The following ZNF385D variants were observed in gnomAD, a reference collection of about 807,000 sequenced individuals.
ZNF385D encodes the protein zinc finger protein 385D.
Under a neutral mutation model 35.8 loss-of-function variants are expected in ZNF385D, and 15 were observed. The observed-to-expected ratio is 0.42, with a 90% CI of 0.28 to 0.64. The LOEUF is 0.64. ZNF385D is among the 30% of genes least tolerant of loss of function. The pLI is 0.23. For synonymous variants in ZNF385D, 212 were observed against 186.8 expected, an observed-to-expected ratio of 1.13 and a Z score of -1.10; for missense variants, 474 against 494.6, an observed-to-expected ratio of 0.96 and a Z score of 0.39.
chr3:21,750,744 T>C, intron 1 of ZNF385D, 151 bp downstream of exon 1: 2 of 879,836 alleles, frequency 2.3e-6, no homozygotes, highest in South Asian at 3.3e-5. Context: ...AAGGAAGCTT[T>C]GAAGGCTGCA....
intron 3 of ZNF385D, among the ~76,000 whole-genome samples, chr3:22,006,111 T>A (rs1438133531): frequency 6.6e-6 from 1 of 152,112 alleles, no homozygotes; most frequent in African/African-American, 2.4e-5. Flanking sequence ...CATATGATGA[T>A]CTGGGCTTAG....
intron 3 of ZNF385D, among the ~76,000 whole-genome samples, chr3:21,884,408 T>C (rs1322138130): frequency 6.6e-6 from 1 of 151,974 alleles, no homozygotes; most frequent in Non-Finnish European, 1.5e-5. Flanking sequence ...CTATCCAATA[T>C]TTATCCCCTA....
chr3:21,749,217 G>T (rs575684152), intron 1 of ZNF385D, among the ~76,000 whole-genome samples: 1 of 152,214 alleles, frequency 6.6e-6, no homozygotes. Context: ...ATTACCCTAT[G>T]AATCACTCTG....
chr3:21,814,155 A>AT (rs1207041559), intron 3 of ZNF385D, among the ~76,000 whole-genome samples: 2 of 152,206 alleles, frequency 1.3e-5, no homozygotes, highest in Non-Finnish European at 2.9e-5. Context: ...ATGCTGAGAG[A>AT]TTTTGTCACC....
chr3:22,058,085 A>C (rs1381753975), intron 3 of ZNF385D, among the ~76,000 whole-genome samples: 15 of 152,230 alleles, frequency 9.9e-5, no homozygotes, highest in Admixed American at 9.8e-4. Context: ...AGGCTGTGCT[A>C]CACAAGCTGA....
intron 3 of ZNF385D, among the ~76,000 whole-genome samples, chr3:21,890,110 CAT>C (rs1425194775): frequency 6.6e-6 from 1 of 152,098 alleles, no homozygotes; most frequent in Non-Finnish European, 1.5e-5. Flanking sequence ...TGGCTTCAAA[CAT>C]ATATATATCT....
intron 3 of ZNF385D, among the ~76,000 whole-genome samples, chr3:21,795,924 T>C (rs999545769): frequency 6.6e-6 from 1 of 152,176 alleles, no homozygotes; most frequent in African/African-American, 2.4e-5. Context: ...AGCTAATAAT[T>C]TGCTACAAAG....
chr3:22,113,970 C>T (rs1351482722), intron 3 of ZNF385D, among the ~76,000 whole-genome samples: 1 of 151,992 alleles, frequency 6.6e-6, no homozygotes, highest in Non-Finnish European at 1.5e-5. Flanking sequence ...CATCAGTTTA[C>T]CTTTAACATA....
chr3:21,885,875 A>C (rs1046310066), intron 3 of ZNF385D, among the ~76,000 whole-genome samples: 6 of 151,854 alleles, frequency 4.0e-5, no homozygotes, highest in African/African-American at 1.5e-4. Flanking sequence ...TTATAGTCCA[A>C]AATAATTCCT....
intron 3 of ZNF385D, among the ~76,000 whole-genome samples, chr3:22,119,006 GT>G (rs1702948716): frequency 6.6e-6 from 1 of 151,994 alleles, no homozygotes; most frequent in Admixed American, 6.6e-5. Context: ...CTATTGTACT[GT>G]TTTTTCAGGG....
chr3:21,621,641 C>G (rs527615585), intron 2 of ZNF385D, among the ~76,000 whole-genome samples: 1 of 144,128 alleles, frequency 6.9e-6, no homozygotes, highest in East Asian at 2.3e-4. Flanking sequence ...GACGACCTTT[C>G]CATGAGAAAT....
chr3:21,905,183 G>T (rs541846009), intron 3 of ZNF385D, among the ~76,000 whole-genome samples: 1 of 134,464 alleles, frequency 7.4e-6, no homozygotes, highest in East Asian at 2.1e-4. Flanking sequence ...AGAGTATCAT[G>T]GTGGTCCAGT....
chr3:21,792,529 T>C (rs2071972380), intron 3 of ZNF385D, among the ~76,000 whole-genome samples: 1 of 152,156 alleles, frequency 6.6e-6, no homozygotes, highest in Non-Finnish European at 1.5e-5. Context: ...CCTAAAATAG[T>C]TAGTAGCTGG....
chr3:22,247,269 TAAAAG>T (rs1275192299), intron 2 of ZNF385D, among the ~76,000 whole-genome samples: 1 of 152,216 alleles, frequency 6.6e-6, no homozygotes, highest in East Asian at 1.9e-4. Flanking sequence ...CATTTCTAAT[TAAAAG>T]AAAAACTAAA....
intron 3 of ZNF385D, among the ~76,000 whole-genome samples, chr3:21,768,805 A>AC (rs2070947672): frequency 6.6e-6 from 1 of 151,722 alleles, no homozygotes; most frequent in Non-Finnish European, 1.5e-5. Context: ...CTGGGGACGA[A>AC]CGCCCCATCC....
intron 6 of ZNF385D, among the ~76,000 whole-genome samples, chr3:21,424,621 T>C (rs1700924067): frequency 6.6e-6 from 1 of 151,110 alleles, no homozygotes; most frequent in South Asian, 2.1e-4. Flanking sequence ...CCTATTTTAG[T>C]GTATTTTTAA....
chr3:22,237,232 G>A (rs1699236500), intron 2 of ZNF385D, among the ~76,000 whole-genome samples: 1 of 152,152 alleles, frequency 6.6e-6, no homozygotes, highest in Non-Finnish European at 1.5e-5. Flanking sequence ...GTAGTATAAA[G>A]TAATATTTTA....
chr3:21,428,171 A>C (rs1373386784), intron 5 of ZNF385D, among the ~76,000 whole-genome samples: 1 of 152,162 alleles, frequency 6.6e-6, no homozygotes, highest in African/African-American at 2.4e-5. Context: ...AAAGCATTTA[A>C]ATGTATGAGA....
At chr3:22,194,601 A>G (rs1406462067) in intron 2 of ZNF385D, among the ~76,000 whole-genome samples, 1 of 151,932 alleles carries the variant, frequency 6.6e-6, no homozygotes, top group Non-Finnish European at 1.5e-5. Flanking sequence ...TGTAATCACC[A>G]ATAAAATCAG....
Sources: gnomAD v4.1 joint callset for allele counts (sites outside exome capture counted in the v4.1 genomes callset) on GRCh38, gnomAD v4.1.1 for gene constraint, MANE v1.5 for transcripts, NCBI Gene and HGNC (gene_info 2026-07-23, HGNC 2026-07-21) for gene names.